The following RNF217 variants were observed in gnomAD, a reference collection of about 807,000 sequenced individuals.
The protein encoded by RNF217 is ring finger protein 217.
A neutral mutation model predicts 57.8 loss-of-function variants in RNF217; 31 were observed. The observed-to-expected ratio is 0.54, with a 90% CI of 0.40 to 0.72. The LOEUF is 0.72. Ranked by LOEUF, RNF217 falls within the 30% of genes least tolerant of loss-of-function variation. RNF217 has a pLI of 0.00. For synonymous variants in RNF217, 313 were observed against 294.0 expected (o/e 1.06, Z -0.66); for missense variants, 696 against 708.3 (o/e 0.98, Z 0.20).
intron 1 of RNF217, among the ~76,000 whole-genome samples, chr6:125,042,543 C>G (rs1786923675): frequency 6.6e-6 from 1 of 151,960 alleles, no homozygotes; most frequent in South Asian, 2.1e-4. Flanking sequence ...AAAAAATAGT[C>G]AATGCAGAGA....
Position 124,962,863 on chromosome 6 carries a change from C to T in RNF217, c.319C>T (p.Leu107=). Residue 107 remains leucine (L), a synonymous_variant, in exon 1 of 6, where the codon CTG becomes TTG. Transcript: ENST00000521654. The surrounding 1 kb of genome is among the most constrained non-coding windows in gnomAD (Gnocchi z 4.6). The part of the protein sequence containing the change: ...NPQTLPLQLE[L]EEEEEEAGDR... ...CCAGACCTTGCCACTGCAGTTGGAG[C>T]TGGAGGAGGAAGAGGAGGAAGCTGG... is the stretch of plus-strand genomic sequence containing the variant. 3 of 1,598,032 alleles carry T rather than the reference C, an allele frequency of 1.9e-6. No homozygotes were observed. In the South Asian group the frequency reaches 3.3e-5, roughly 18 times the overall value.
intron 4 of RNF217, among the ~76,000 whole-genome samples, chr6:125,077,326 A>C (rs543763077): frequency 2.6e-5 from 4 of 152,320 alleles, no homozygotes; most frequent in Admixed American, 2.6e-4. Context: ...CATTATGTCT[A>C]TATAAGTGAT....
chr6:125,013,412 G>T (rs887690311), intron 1 of RNF217, among the ~76,000 whole-genome samples: 2 of 150,810 alleles, frequency 1.3e-5, no homozygotes, highest in Non-Finnish European at 3.0e-5. Flanking sequence ...GCATGGTCGT[G>T]GAACGGTTCA....
At chr6:125,011,537 CTTG>C (rs1185867926) in intron 1 of RNF217, among the ~76,000 whole-genome samples, 1 of 152,010 alleles carries the variant, frequency 6.6e-6, no homozygotes, top group Non-Finnish European at 1.5e-5. Flanking sequence ...TTATTTTTGC[CTTG>C]TTAACAATTT....
At chr6:125,028,327 G>A (rs747631936) in intron 1 of RNF217, among the ~76,000 whole-genome samples, 5 of 151,944 alleles carry the variant, frequency 3.3e-5, no homozygotes, top group Non-Finnish European at 7.4e-5. Context: ...CCCCAAGATA[G>A]GAGCACCTTT....
chr6:125,066,829 T>C (rs1787952840), intron 3 of RNF217, among the ~76,000 whole-genome samples: 1 of 152,216 alleles, frequency 6.6e-6, no homozygotes, highest in Non-Finnish European at 1.5e-5. Flanking sequence ...AATGGCTGAA[T>C]AAATAAATGA....
At chr6:125,013,573 A>G (rs141812767) in intron 1 of RNF217, among the ~76,000 whole-genome samples, 520 of 152,202 alleles carry the variant, frequency 3.4e-3, no homozygotes, top group South Asian at 5.0e-3. Flanking sequence ...GTAGTCTGAA[A>G]GCTTTGGCTG....
At chr6:125,027,856 G>T (rs1312235679) in intron 1 of RNF217, among the ~76,000 whole-genome samples, 1 of 152,164 alleles carries the variant, frequency 6.6e-6, no homozygotes, top group Non-Finnish European at 1.5e-5. Flanking sequence ...TTTAACTGGG[G>T]TGAGACGGTA....
chr6:124,969,721 T>C (rs1351556753), intron 1 of RNF217, among the ~76,000 whole-genome samples: 1 of 152,162 alleles, frequency 6.6e-6, no homozygotes, highest in Admixed American at 6.5e-5. Context: ...GCTCCTGACT[T>C]CATGGAATTA....
intron 1 of RNF217, among the ~76,000 whole-genome samples, chr6:125,025,576 AAGGG>A (rs140086309): frequency 3.3e-5 from 4 of 121,960 alleles, no homozygotes; most frequent in East Asian, 2.6e-4. Flanking sequence ...GAAAAGAAGG[AAGGG>A]AGGGAGGGAG....
At position 125,000,717 on chromosome 6, in the gene RNF217, A is replaced by G. The variant is rs7756705; in HGVS notation, c.882+37291A>G. On this transcript the variant is annotated intron_variant, in intron 1 of 5. Transcript: ENST00000521654. ...GAAATACATGAGTATCTACATGCCT[A>G]CATTTTAAGGAAGTTTTCCATATTC... Among the ~76,000 whole-genome samples, 642 of 152,206 alleles carry G rather than the reference A, an allele frequency of 4.2e-3. 9 individuals are homozygous for G. The highest frequency in any genetic ancestry group is 0.015 in the African/African-American group (613 of 41,566).
chr6:125,020,397 A>T (rs933458799), intron 1 of RNF217, among the ~76,000 whole-genome samples: 1 of 152,196 alleles, frequency 6.6e-6, no homozygotes, highest in Non-Finnish European at 1.5e-5. Context: ...ATGATTTTAG[A>T]GGCAGACAAA....
At chr6:125,039,975 A>G (rs1275697565) in intron 1 of RNF217, among the ~76,000 whole-genome samples, 2 of 152,196 alleles carry the variant, frequency 1.3e-5, no homozygotes, top group African/African-American at 4.8e-5. Flanking sequence ...TTAGAGCACT[A>G]AATGCCCACA....
chr6:125,057,823 G>T, intron 2 of RNF217, 119 bp from the exon 3 acceptor site: 1 of 750,812 alleles, frequency 1.3e-6, no homozygotes, highest in Non-Finnish European at 2.1e-6. Context: ...GAGTCTTATA[G>T]AGGGGGAGGT....
Position 125,086,135 on chromosome 6 carries a change from A to G in RNF217, c.*3198A>G, listed in dbSNP as rs1582791024. 1 of 152,148 alleles carries G rather than the reference A, an allele frequency of 6.6e-6. No individual in the cohort carries two copies. The highest frequency in any genetic ancestry group is 1.9e-4 in the East Asian group (1 of 5,180). 9.4% of individuals were successfully genotyped at this position (152,148 alleles called of 1,614,324 possible). On this transcript the variant is annotated 3_prime_UTR_variant, in exon 6 of 6. Coordinates refer to ENST00000521654, the MANE Select transcript of RNF217 (RefSeq NM_001286398.3). ...TTTTTACAAGATCTTTGTAATAAACATTTTAATGTAATTTCAGGAGATGAG... is the reference window on the plus strand; with the variant it reads ...TTTTTACAAGATCTTTGTAATAAACGTTTTAATGTAATTTCAGGAGATGAG...
chr6:125,001,052 C>G (rs1784962391), intron 1 of RNF217, among the ~76,000 whole-genome samples: 1 of 152,000 alleles, frequency 6.6e-6, no homozygotes, highest in Non-Finnish European at 1.5e-5. Flanking sequence ...TTATGTTTTA[C>G]TTATTGATTT....
At chr6:125,032,045 C>A (rs1786382626) in intron 1 of RNF217, among the ~76,000 whole-genome samples, 1 of 152,168 alleles carries the variant, frequency 6.6e-6, no homozygotes, top group East Asian at 1.9e-4. Flanking sequence ...GGAAACCCAT[C>A]AGATCTCGTG....
At chr6:125,050,624 G>A (rs1333691482) in intron 2 of RNF217, among the ~76,000 whole-genome samples, 2 of 151,784 alleles carry the variant, frequency 1.3e-5, no homozygotes, top group African/African-American at 2.4e-5. Context: ...CCTTCCTCCT[G>A]GTAAAGATAA....
chr6:125,067,711 A>G (rs2114616283), intron 3 of RNF217, among the ~76,000 whole-genome samples: 1 of 152,318 alleles, frequency 6.6e-6, no homozygotes, highest in Non-Finnish European at 1.5e-5. Context: ...GGATATAGGT[A>G]TATCTGACTA....
Sources: allele counts gnomAD v4.1 joint callset (sites outside exome capture counted in the v4.1 genomes callset), GRCh38; gene constraint gnomAD v4.1.1; non-coding constraint Gnocchi (gnomAD v3.1); transcripts MANE v1.5; gene names NCBI Gene and HGNC (gene_info 2026-07-23, HGNC 2026-07-21).